PLD5: variants seen among roughly 807,000 people sequenced by gnomAD.
PLD5 encodes the protein inactive phospholipase D5.
Under a neutral mutation model 61.1 loss-of-function variants are expected in PLD5, and 36 were observed. The observed-to-expected ratio is 0.59, with a 90% CI of 0.45 to 0.78. The LOEUF is 0.78. Among genes scored for constraint, PLD5 ranks in the 30% least tolerant of loss-of-function variants. The probability of loss-of-function intolerance (pLI) is 0.00; values close to 1 mark genes in which losing one functional copy is unlikely to be tolerated. For synonymous variants in PLD5, 243 were observed against 242.8 expected (o/e 1.00, Z -0.01); for missense variants, 515 against 644.4 (o/e 0.80, Z 2.17).
At chr1:242,257,881 G>A (rs920763693) in intron 4 of PLD5, among the ~76,000 whole-genome samples, 1 of 152,104 alleles carries the variant, frequency 6.6e-6, no homozygotes, top group Non-Finnish European at 1.5e-5. Context: ...ATGTCAGTGG[G>A]AACAAACGCC....
Position 242,220,045 on chromosome 1 carries a change from C to G in PLD5, c.678G>C (p.Val226=). The change falls in exon 5 of 10, where the codon GTG becomes GTC. Residue 226 remains valine, a synonymous_variant. Coordinates refer to ENST00000536534, the MANE Select transcript of PLD5 (RefSeq NM_001372062.1). ...KGRLQSSFWI[V]DKQHVYIGSA... Reference sequence around the variant, plus strand: ...TGCCGATATACACGTGCTGTTTGTCCACGATCCAGAAGGAGGACTGCAGCC... The same window carrying G: ...TGCCGATATACACGTGCTGTTTGTCGACGATCCAGAAGGAGGACTGCAGCC... 1 of 1,614,190 alleles carries G rather than the reference C, an allele frequency of 6.2e-7. No homozygotes were observed. The highest frequency in any genetic ancestry group is 8.5e-7 in the Non-Finnish European group (1 of 1,180,024).
intron 6 of PLD5, among the ~76,000 whole-genome samples, chr1:242,124,129 C>T (rs1014146611): frequency 8.5e-5 from 13 of 152,270 alleles, no homozygotes; most frequent in East Asian, 3.9e-4. Flanking sequence ...GTGCTGGCTC[C>T]GCTCTTAGCA....
intron 1 of PLD5, among the ~76,000 whole-genome samples, chr1:242,403,797 G>T (rs974057436): frequency 6.6e-6 from 1 of 152,184 alleles, no homozygotes; most frequent in Non-Finnish European, 1.5e-5. Context: ...TCTGGTCACA[G>T]TGGGACCCTC....
intron 3 of PLD5, among the ~76,000 whole-genome samples, chr1:242,271,216 A>ACC (rs1674055653): frequency 9.0e-6 from 1 of 111,302 alleles, no homozygotes; most frequent in Admixed American, 9.1e-5. Flanking sequence ...AGAGAGAGAG[A>ACC]GAGAGAGAGA....
At position 242,293,045 on chromosome 1, in the gene PLD5, T is replaced by A. The variant is rs115589368; in HGVS notation, c.327-4515A>T. ...TCAGATGGATAATGTTAACATCTCT[T>A]CCCTTTTCTTTGATTACAAACACAT... On this transcript the variant is annotated intron_variant, in intron 2 of 9. Coordinates refer to ENST00000536534, the MANE Select transcript of PLD5 (RefSeq NM_001372062.1). Among the ~76,000 whole-genome samples the A allele has an allele frequency of 1.9e-3, 294 of 152,318 alleles. 1 individual carries two copies. Among genetic ancestry groups the A allele is most frequent in the African/African-American group, 6.9e-3 (288 of 41,578 alleles).
chr1:242,341,541 G>A (rs1274089170), intron 2 of PLD5, among the ~76,000 whole-genome samples: 10 of 27,972 alleles, frequency 3.6e-4, no homozygotes, highest in African/African-American at 8.5e-4. Flanking sequence ...AATTTAGAAA[G>A]GATGTATAAA....
chr1:242,178,614 G>A (rs1667326986), intron 5 of PLD5, among the ~76,000 whole-genome samples: 1 of 152,274 alleles, frequency 6.6e-6, no homozygotes, highest in East Asian at 1.9e-4. Context: ...AAGGATGTTT[G>A]TATTATGCTG....
At chr1:242,396,910 C>T (rs1203880219) in intron 1 of PLD5, among the ~76,000 whole-genome samples, 1 of 151,894 alleles carries the variant, frequency 6.6e-6, no homozygotes, top group Non-Finnish European at 1.5e-5. Flanking sequence ...GATATCTTGA[C>T]CTTGTGATCC....
intron 6 of PLD5, among the ~76,000 whole-genome samples, chr1:242,114,510 G>A (rs1661790385): frequency 6.6e-6 from 1 of 152,152 alleles, no homozygotes; most frequent in African/African-American, 2.4e-5. Flanking sequence ...TATAGAACAA[G>A]GGTCCCTATT....
chr1:242,412,065 G>A (rs1285210741), intron 1 of PLD5, among the ~76,000 whole-genome samples: 1 of 152,156 alleles, frequency 6.6e-6, no homozygotes, highest in Non-Finnish European at 1.5e-5. Flanking sequence ...AGGGAAGAGA[G>A]GAAGCAGATG....
the PLD5 span, among the ~76,000 whole-genome samples, chr1:242,530,040 C>A: frequency 1.3e-5 from 2 of 152,030 alleles, no homozygotes; most frequent in Non-Finnish European, 2.9e-5. Flanking sequence ...ATTACAGGTG[C>A]CCACCACCAC....
intron 2 of PLD5, among the ~76,000 whole-genome samples, chr1:242,318,659 ATT>A (rs59083795): frequency 0.16 from 23,825 of 147,006 alleles, 2,061 homozygotes; most frequent in East Asian, 0.32. Context: ...TGATTTTTTA[ATT>A]TTTTTTTTTT....
chr1:242,292,081 G>A (rs1202488868), intron 2 of PLD5, among the ~76,000 whole-genome samples: 1 of 152,076 alleles, frequency 6.6e-6, no homozygotes, highest in African/African-American at 2.4e-5. Flanking sequence ...ATTATTTGAT[G>A]TACCTCGAGG....
At chr1:242,213,330 A>G (rs1669946425) in intron 5 of PLD5, among the ~76,000 whole-genome samples, 1 of 152,190 alleles carries the variant, frequency 6.6e-6, no homozygotes, top group South Asian at 2.1e-4. Flanking sequence ...CCAGTAGAAA[A>G]GAATTTCCTG....
At chr1:242,494,115 C>A (rs7542808) in intron 1 of PLD5, among the ~76,000 whole-genome samples, 20 of 131,798 alleles carry the variant, frequency 1.5e-4, no homozygotes, top group African/African-American at 4.1e-4. Flanking sequence ...CCTCTCCTCC[C>A]CTCTCCTCCC....
At chr1:242,332,014 C>A (rs1191804869) in intron 2 of PLD5, among the ~76,000 whole-genome samples, 2 of 152,124 alleles carry the variant, frequency 1.3e-5, no homozygotes, top group Admixed American at 1.3e-4. Flanking sequence ...CTAGGTATTT[C>A]TCCTAATGAT....
intron 5 of PLD5, among the ~76,000 whole-genome samples, chr1:242,146,234 T>C (rs1664533861): frequency 6.6e-6 from 1 of 152,228 alleles, no homozygotes; most frequent in Non-Finnish European, 1.5e-5. Context: ...CGCTTTCTTT[T>C]CTTCTTCCTG....
intron 1 of PLD5, among the ~76,000 whole-genome samples, chr1:242,496,095 T>A (rs952857399): frequency 6.6e-6 from 1 of 152,242 alleles, no homozygotes; most frequent in Non-Finnish European, 1.5e-5. Flanking sequence ...GTGCCTCTGT[T>A]GTACAACCAG....
intron 5 of PLD5, among the ~76,000 whole-genome samples, chr1:242,179,997 TATC>T (rs1479715797): frequency 2.6e-5 from 4 of 152,136 alleles, no homozygotes; most frequent in East Asian, 1.9e-4. Flanking sequence ...GTGTTTCAAA[TATC>T]ATCACACTTT....
Sources: gnomAD v4.1 joint callset for allele counts (sites outside exome capture counted in the v4.1 genomes callset) on GRCh38, gnomAD v4.1.1 for gene constraint, MANE v1.5 for transcripts, NCBI Gene and HGNC (gene_info 2026-07-23, HGNC 2026-07-21) for gene names.